Variants in CDH20 observed in about 807,000 individuals in gnomAD.
The protein encoded by CDH20 is cadherin 20, also known as cadherin-20.
A neutral mutation model predicts 74.2 loss-of-function variants in CDH20; 29 were observed. That is an observed-to-expected ratio of 0.39 (90% CI 0.29 to 0.53). The LOEUF is 0.53. Among genes scored for constraint, CDH20 ranks in the 20% least tolerant of loss-of-function variants. CDH20 has a pLI of 0.69. For missense variants in CDH20, 988 were observed against 1,048.3 expected, an observed-to-expected ratio of 0.94 and a Z score of 0.79; for synonymous variants, 469 against 405.4, an observed-to-expected ratio of 1.16 and a Z score of -1.88.
intron 1 of CDH20, among the ~76,000 whole-genome samples, chr18:61,488,799 T>C (rs1910857630): frequency 6.6e-6 from 1 of 152,134 alleles, no homozygotes; most frequent in Non-Finnish European, 1.5e-5. Flanking sequence ...TTCTCACTAA[T>C]CTTTGTCATC....
intron 1 of CDH20, among the ~76,000 whole-genome samples, chr18:61,463,559 C>T (rs1196370079): frequency 6.6e-6 from 1 of 151,978 alleles, no homozygotes; most frequent in Non-Finnish European, 1.5e-5. Context: ...GTGGGGCCTT[C>T]TCTGAAACAC....
At chr18:61,484,527 C>A (rs1302744597) in intron 1 of CDH20, among the ~76,000 whole-genome samples, 2 of 152,106 alleles carry the variant, frequency 1.3e-5, no homozygotes, top group African/African-American at 4.8e-5. Context: ...GAATGAAAAG[C>A]ACAGAGGAAT....
At chr18:61,412,334 T>C (rs1341048645) in intron 1 of CDH20, among the ~76,000 whole-genome samples, 1 of 152,216 alleles carries the variant, frequency 6.6e-6, no homozygotes, top group East Asian at 1.9e-4. Flanking sequence ...AATTTTGTTA[T>C]GTTACAGAAA....
intron 5 of CDH20, among the ~76,000 whole-genome samples, chr18:61,505,040 T>C (rs968964843): frequency 3.9e-5 from 6 of 152,188 alleles, no homozygotes; most frequent in Admixed American, 6.5e-5. Context: ...ATTCTGTGGG[T>C]TCCATCTTCA....
chr18:61,412,343 A>G (rs1184860387), intron 1 of CDH20, among the ~76,000 whole-genome samples: 2 of 152,198 alleles, frequency 1.3e-5, no homozygotes, highest in East Asian at 3.8e-4. Context: ...ATGTTACAGA[A>G]AGTGCAGAAA....
At chr18:61,348,372 C>T (rs1266273951) in intron 1 of CDH20, among the ~76,000 whole-genome samples, 1 of 152,174 alleles carries the variant, frequency 6.6e-6, no homozygotes, top group Non-Finnish European at 1.5e-5. Flanking sequence ...CTGATGTTCT[C>T]CCCTATATTA....
chr18:61,454,143 C>T (rs1353239749), intron 1 of CDH20, among the ~76,000 whole-genome samples: 1 of 152,140 alleles, frequency 6.6e-6, no homozygotes, highest in African/African-American at 2.4e-5. Flanking sequence ...TACCCACCTC[C>T]TAATTAGATT....
At chr18:61,384,769 G>A (rs1911540873) in intron 1 of CDH20, among the ~76,000 whole-genome samples, 1 of 151,814 alleles carries the variant, frequency 6.6e-6, no homozygotes, top group South Asian at 2.1e-4. Flanking sequence ...AAACTAAAAA[G>A]CAAATTTGAG....
rs553949601 is a variant in CDH20, at chr18:61,515,950, T to C, written c.1017+8390T>C. Reference sequence around the variant, plus strand: ...TAATAATAATTTTAAAAAAAAGACATTTTAGAAGGCAATAAAGCTCAACAT... The same window carrying C: ...TAATAATAATTTTAAAAAAAAGACACTTTAGAAGGCAATAAAGCTCAACAT... On this transcript the variant is annotated intron_variant, in intron 6 of 11. Transcript: ENST00000262717. Among the ~76,000 whole-genome samples the C allele has an allele frequency of 3.0e-4, 45 of 149,920 alleles. No homozygotes were observed. The South Asian group carries it at 9.6e-3, about 32-fold the overall frequency.
At chr18:61,430,199 G>C (rs527600865) in intron 1 of CDH20, among the ~76,000 whole-genome samples, 34 of 151,968 alleles carry the variant, frequency 2.2e-4, no homozygotes, top group African/African-American at 8.0e-4. Flanking sequence ...CACAGTATCT[G>C]GATTACACAG....
intron 1 of CDH20, among the ~76,000 whole-genome samples, chr18:61,354,455 A>G (rs569314460): frequency 1.3e-5 from 2 of 152,208 alleles, no homozygotes; most frequent in African/African-American, 4.8e-5. Context: ...AAGAAATACA[A>G]AAAATTAGCC....
intron 1 of CDH20, among the ~76,000 whole-genome samples, chr18:61,427,146 T>A (rs1036216500): frequency 6.6e-6 from 1 of 152,160 alleles, no homozygotes; most frequent in East Asian, 1.9e-4. Context: ...AGTATGGGAA[T>A]GTAGATTTCC....
In CDH20 at chr18:61,550,001, A is replaced by G. The variant is rs765700572; in HGVS notation, c.1672A>G (p.Arg558Gly). ...AGATAACACAGCACGGATTCTAACC[A>G]GGAGGTCTGGTTTCCGGCAGCAGGA... is the stretch of plus-strand genomic sequence containing the variant. ...NQDNTARILT[R>G]RSGFRQQEQS... The change falls in exon 11 of 12, where the codon AGG becomes GGG. Residue 558 changes from arginine (R) to glycine (G), a missense_variant. This residue lies in a region of CDH20 where 613 missense variants were observed against 755.2 expected (regional missense o/e 0.81). Transcript: ENST00000262717. 5.6e-6 allele frequency: 9 copies of G among 1,614,122 alleles called. No homozygotes were observed. In the Admixed American group the frequency reaches 1.5e-4, roughly 27 times the overall value.
chr18:61,422,339 A>G (rs542518851), intron 1 of CDH20, among the ~76,000 whole-genome samples: 2 of 152,320 alleles, frequency 1.3e-5, no homozygotes, highest in African/African-American at 2.4e-5. Flanking sequence ...CAATTTCTCT[A>G]TCTTTCCACA....
intron 1 of CDH20, among the ~76,000 whole-genome samples, chr18:61,473,479 CT>C (rs763667196): frequency 2.6e-5 from 4 of 152,104 alleles, no homozygotes; most frequent in African/African-American, 4.8e-5. Context: ...ACACGGGTTT[CT>C]TTTAGTAATT....
intron 6 of CDH20, among the ~76,000 whole-genome samples, chr18:61,524,047 A>T (rs1912302283): frequency 6.6e-6 from 1 of 152,020 alleles, no homozygotes; most frequent in East Asian, 1.9e-4. Context: ...GTATCCCAGG[A>T]TTTAAAGTAT....
chr18:61,341,520 C>T (rs1395791913), intron 1 of CDH20, among the ~76,000 whole-genome samples: 1 of 152,128 alleles, frequency 6.6e-6, no homozygotes, highest in Non-Finnish European at 1.5e-5. Flanking sequence ...ATCTCATCTT[C>T]ATTTTCTAAT....
At chr18:61,446,049 A>C (rs900122884) in intron 1 of CDH20, among the ~76,000 whole-genome samples, 4 of 152,164 alleles carry the variant, frequency 2.6e-5, no homozygotes, top group Admixed American at 2.0e-4. Context: ...AGAGAGACAG[A>C]CAGAAGCCAT....
intron 1 of CDH20, among the ~76,000 whole-genome samples, chr18:61,401,369 A>C (rs1262625937): frequency 6.6e-6 from 1 of 152,196 alleles, no homozygotes; most frequent in Non-Finnish European, 1.5e-5. Context: ...TACAGGCACT[A>C]TTGGGTTCTA....
Sources: gnomAD v4.1 joint callset for allele counts (sites outside exome capture counted in the v4.1 genomes callset) on GRCh38, gnomAD v4.1.1 for gene constraint, gnomAD v4.1.1 regional missense constraint, MANE v1.5 for transcripts, NCBI Gene and HGNC (gene_info 2026-07-23, HGNC 2026-07-21) for gene names.